The following ACVRL1 variants were observed in gnomAD, a reference collection of about 807,000 sequenced individuals.
ACVRL1 encodes activin A receptor like type 1, also known as activin receptor type-1-like.
In ACVRL1, 20 loss-of-function variants were observed where a neutral mutation model predicts 51.9. That is an observed-to-expected ratio of 0.39 (90% CI 0.27 to 0.56). The LOEUF (loss-of-function observed/expected upper bound fraction) is 0.56, where lower values mean the gene tolerates loss of function less well. ACVRL1 is among the 20% of genes least tolerant of loss of function. The probability of loss-of-function intolerance (pLI) is 0.67; values close to 1 mark genes in which losing one functional copy is unlikely to be tolerated. For missense variants in ACVRL1, 451 were observed against 670.3 expected (o/e 0.67, Z 3.61); for synonymous variants, 288 against 280.9 (o/e 1.03, Z -0.25).
Position 51,918,973 on chromosome 12 carries a change from C to G in ACVRL1, c.1247-12C>G. Reference sequence around the variant, plus strand: ...GTCCCAAGTGATTGTCCTGTCCATTCTCCATTTCCAGGCATCGTGGAGGAC... The same window carrying G: ...GTCCCAAGTGATTGTCCTGTCCATTGTCCATTTCCAGGCATCGTGGAGGAC... On this transcript the variant is annotated splice_polypyrimidine_tract_variant and intron_variant, in intron 8 of 9. Coordinates refer to ENST00000388922, the MANE Select transcript of ACVRL1 (RefSeq NM_000020.3). 1 of 1,614,234 alleles carries G rather than the reference C, an allele frequency of 6.2e-7. No individual in the cohort carries two copies. Among genetic ancestry groups the G allele is most frequent in the Non-Finnish European group, 8.5e-7 (1 of 1,180,036 alleles).
chr12:51,916,959 G>C (rs1207482288), intron 8 of ACVRL1, among the ~76,000 whole-genome samples: 1 of 152,152 alleles, frequency 6.6e-6, no homozygotes, highest in Non-Finnish European at 1.5e-5. Flanking sequence ...GGGCGACAGA[G>C]TGAGACCCTG....
In ACVRL1 at chr12:51,913,277, C is replaced by T; in HGVS notation, c.240C>T (p.Arg80=). 1 of 1,603,528 alleles carries T rather than the reference C, an allele frequency of 6.2e-7. No individual in the cohort carries two copies. The highest frequency in any genetic ancestry group is 8.5e-7 in the Non-Finnish European group (1 of 1,175,250). Reference sequence around the variant, plus strand: ...TGCACAGGGAGCTCTGCAGGGGGCGCCCCACCGAGTTCGTCAACCACTACT... The same window carrying T: ...TGCACAGGGAGCTCTGCAGGGGGCGTCCCACCGAGTTCGTCAACCACTACT... ...GNLHRELCRG[R]PTEFVNHYCC... is the part of the protein sequence containing the mutation. Residue 80 remains arginine, a synonymous_variant, in exon 3 of 10, where the codon CGC becomes CGT. Coordinates refer to ENST00000388922, the MANE Select transcript of ACVRL1 (RefSeq NM_000020.3).
rs547613968 is a variant in ACVRL1, at chr12:51,912,379, C to T, written c.-5-91C>T. ...CTCCCTGCCTCCCCTCCAAAAAAAA[C>T]TCTGTGATTTCCTCTGGGCAGGAGG... On this transcript the variant is annotated intron_variant, in intron 1 of 9. Transcript: ENST00000388922. 15 of 1,453,606 alleles carry T rather than the reference C, an allele frequency of 1.0e-5. No homozygotes were observed. The South Asian group carries it at 1.4e-4, about 14-fold the overall frequency. The allele number at this position is 1,453,606 out of a possible 1,614,324, so 90.0% of individuals were successfully genotyped here.
intron 1 of ACVRL1, among the ~76,000 whole-genome samples, chr12:51,909,341 A>T (rs1290130497): frequency 2.0e-5 from 3 of 151,982 alleles, no homozygotes; most frequent in Non-Finnish European, 4.4e-5. Flanking sequence ...CTCTACTAAA[A>T]ATAAAACTGG....
chr12:51,919,273 C>T (rs2139085118), intron 9 of ACVRL1, 158 bp downstream of exon 9: 1 of 1,141,658 alleles, frequency 8.8e-7, no homozygotes, highest in South Asian at 1.4e-5. Flanking sequence ...CAACCCTGGC[C>T]CATGCTCCCT....
Position 51,913,434 on chromosome 12 carries a change from A to G in ACVRL1, c.313+84A>G, listed in dbSNP as rs990340246. On this transcript the variant is annotated intron_variant, in intron 3 of 9. Transcript: ENST00000388922. ...CTCCTTTCCTCTCATGCTCTGGCCAATAAAGGGGCTGGGGGCGGGGGAGCG... is the reference window on the plus strand; with the variant it reads ...CTCCTTTCCTCTCATGCTCTGGCCAGTAAAGGGGCTGGGGGCGGGGGAGCG... The G allele has an allele frequency of 5.2e-6, 8 of 1,549,224 alleles. No homozygotes were observed. In the African/African-American group the frequency reaches 5.4e-5, roughly 11 times the overall value.
rs706819 is a variant in ACVRL1, at chr12:51,922,139, T to C, written c.*1246T>C. ...TTCAGCCTATATCACAGCTAACTTC[T>C]TCAGTCTCATCTATTCCTTATGCTC... On this transcript the variant is annotated 3_prime_UTR_variant, in exon 10 of 10. Coordinates refer to ENST00000388922, the MANE Select transcript of ACVRL1 (RefSeq NM_000020.3). 109,479 of 152,140 alleles carry C rather than the reference T, an allele frequency of 0.72. 39,741 individuals are homozygous for C. The highest frequency in any genetic ancestry group is 0.75 in the East Asian group (3,864 of 5,168). The allele number at this position is 152,140 out of a possible 1,614,324, so 9.4% of individuals were successfully genotyped here. A position where few individuals can be genotyped will look rare whatever the true frequency, so the allele number is the denominator to read the frequency against.
rs1269204762 is a variant in ACVRL1 at position 51,919,087 on chromosome 12, C to T, written c.1349C>T (p.Thr450Ile). The T allele has an allele frequency of 6.8e-6, 11 of 1,614,030 alleles. No homozygotes were observed. The highest frequency in any genetic ancestry group is 2.2e-5 in the South Asian group (2 of 91,076). ...GTGTGTGTGGATCAGCAGACCCCCA[C>T]CATCCCTAACCGGCTGGCTGCAGAC... ...KVVCVDQQTP[T>I]IPNRLAADPV... Residue 450 changes from threonine (T) to isoleucine (I), a missense_variant, in exon 9 of 10, where the codon ACC (threonine) becomes ATC (isoleucine). This residue lies in a region of ACVRL1 where 259 missense variants were observed against 453.4 expected (regional missense o/e 0.57). Coordinates refer to ENST00000388922, the MANE Select transcript of ACVRL1 (RefSeq NM_000020.3).
Position 51,915,208 on chromosome 12 carries a change from A to T in ACVRL1, c.773-17A>T. On this transcript the variant is annotated splice_polypyrimidine_tract_variant and intron_variant, in intron 6 of 9. Coordinates refer to ENST00000388922, the MANE Select transcript of ACVRL1 (RefSeq NM_000020.3). The stretch of plus-strand genomic sequence containing the variant: ...CCCCAGCCCCTTGGCTGAGTCACCC[A>T]ACCTTTCTGCACACAGGCTTCATCG... 1 of 1,613,076 alleles carries T rather than the reference A, an allele frequency of 6.2e-7. No individual in the cohort carries two copies. The highest frequency in any genetic ancestry group is 8.5e-7 in the Non-Finnish European group (1 of 1,179,774).
intron 7 of ACVRL1, 31 bp downstream of exon 7, chr12:51,915,531 C>T (rs1362086094): frequency 1.9e-6 from 3 of 1,589,524 alleles, no homozygotes; most frequent in Middle Eastern, 4.6e-4. Context: ...GCGCGCCCTT[C>T]ACAGGTGGGC....
intron 7 of ACVRL1, 28 bp downstream of exon 7, chr12:51,915,528 C>A (rs536451283): frequency 1.9e-6 from 3 of 1,592,976 alleles, no homozygotes; most frequent in South Asian, 1.1e-5. Flanking sequence ...GGGGCGCGCC[C>A]TTCACAGGTG....
chr12:51,919,552 C>T (rs532970337), intron 9 of ACVRL1, among the ~76,000 whole-genome samples: 6 of 152,166 alleles, frequency 3.9e-5, no homozygotes, highest in African/African-American at 1.4e-4. Context: ...ACCACCACAC[C>T]TGGCTAATTT....
chr12:51,909,468 T>C (rs1940651226), intron 1 of ACVRL1, among the ~76,000 whole-genome samples: 1 of 152,112 alleles, frequency 6.6e-6, no homozygotes, highest in African/African-American at 2.4e-5. Flanking sequence ...CACTCCAGCC[T>C]GGGCGACTGA....
In ACVRL1 at chr12:51,916,216, G is replaced by A. The variant is rs746197083; in HGVS notation, c.1229G>A (p.Arg410His). The change falls in exon 8 of 10, where the codon CGC (arginine) becomes CAC (histidine). Residue 410 changes from arginine to histidine, a missense_variant. By Grantham distance (29) the Arg-to-His change is conservative. This residue lies in a region of ACVRL1 where 259 missense variants were observed against 453.4 expected (regional missense o/e 0.57). Coordinates refer to ENST00000388922, the MANE Select transcript of ACVRL1 (RefSeq NM_000020.3). Reference protein sequence around the residue: ...AFGLVLWEIARRTIVNGIVED... With the variant: ...AFGLVLWEIAHRTIVNGIVED... ...GGCCTGGTGCTGTGGGAGATTGCCCGCCGGACCATCGTGAATGGTGAGGGC... is the reference window on the plus strand; with the variant it reads ...GGCCTGGTGCTGTGGGAGATTGCCCACCGGACCATCGTGAATGGTGAGGGC... 7.4e-6 allele frequency: 12 copies of A among 1,614,058 alleles called. No individual in the cohort carries two copies. The highest frequency in any genetic ancestry group is 3.3e-5 in the Admixed American group (2 of 60,002).
chr12:51,919,164 T>G (rs759344606), intron 9 of ACVRL1, 49 bp downstream of exon 9: 1 of 1,613,004 alleles, frequency 6.2e-7, no homozygotes, highest in South Asian at 1.1e-5. Flanking sequence ...GGCTCATGGC[T>G]GGGATTTCTG....
At position 51,915,259 on chromosome 12, in the gene ACVRL1, G is replaced by A. The variant is rs1332822854; in HGVS notation, c.807G>A (p.Ser269=). 16 of 1,613,942 alleles carry A rather than the reference G, an allele frequency of 9.9e-6. No individual in the cohort carries two copies. Among genetic ancestry groups the A allele is most frequent in the East Asian group, 6.7e-5 (3 of 44,882 alleles). The change falls in exon 7 of 10, where the codon TCG becomes TCA. Residue 269 remains serine, a synonymous_variant. Transcript: ENST00000388922. ...FIASDMTSRN[S]STQLWLITHY... ...CCTCAGACATGACCTCCCGCAACTCGAGCACGCAGCTGTGGCTCATCACGC... is the reference window on the plus strand; with the variant it reads ...CCTCAGACATGACCTCCCGCAACTCAAGCACGCAGCTGTGGCTCATCACGC...
At chr12:51,913,023 T>C (rs1004356062) in intron 2 of ACVRL1, 76 bp from the exon 3 acceptor site, 72 of 1,557,342 alleles carry the variant, frequency 4.6e-5, no homozygotes, top group Non-Finnish European at 6.1e-5. Flanking sequence ...AGAGGGACAG[T>C]AGGACAGAAA....
chr12:51,913,617 C>T lies in ACVRL1; in HGVS notation c.372C>T (p.Gly124=), dbSNP rs55758365. 6.2e-7 allele frequency: 1 copy of T among 1,602,804 alleles called. No homozygotes were observed. Among genetic ancestry groups the T allele is most frequent in the East Asian group, 2.2e-5 (1 of 44,864 alleles). Residue 124 remains glycine (G), a synonymous_variant, in exon 4 of 10, where the codon GGC becomes GGT. Coordinates refer to ENST00000388922, the MANE Select transcript of ACVRL1 (RefSeq NM_000020.3). ...ATGGCCAGCTGGCCCTGATCCTGGG[C>T]CCCGTGCTGGCCTTGCTGGCCCTGG... is the stretch of plus-strand genomic sequence containing the variant. ...GTDGQLALIL[G]PVLALLALVA... is the part of the protein sequence containing the mutation.
intron 7 of ACVRL1, 142 bp downstream of exon 7, chr12:51,915,642 C>G: frequency 8.6e-7 from 1 of 1,166,760 alleles, no homozygotes; most frequent in South Asian, 1.6e-5. Flanking sequence ...TCCGCAAGAC[C>G]CCACGAGTTG....
Sources: gnomAD v4.1 joint callset for allele counts (sites outside exome capture counted in the v4.1 genomes callset) on GRCh38, gnomAD v4.1.1 for gene constraint, gnomAD v4.1.1 regional missense constraint, MANE v1.5 for transcripts, NCBI Gene and HGNC (gene_info 2026-07-23, HGNC 2026-07-21) for gene names.